PGLYRP3: variants seen among roughly 807,000 people sequenced by gnomAD.
PGLYRP3 encodes peptidoglycan recognition protein 3, also known as peptidoglycan recognition protein I alpha.
In PGLYRP3, 39 loss-of-function variants were observed where a neutral mutation model predicts 36.0. The observed-to-expected ratio is 1.08, with a 90% confidence interval of 0.84 to 1.41. The LOEUF is 1.41. Among genes scored for constraint, PGLYRP3 ranks in the 40% most tolerant of loss-of-function variants. The probability of loss-of-function intolerance (pLI) is 0.00; values close to 1 mark genes in which losing one functional copy is unlikely to be tolerated. For missense variants in PGLYRP3, 407 were observed against 427.9 expected (o/e 0.95, Z 0.43); for synonymous variants, 204 against 172.8 (o/e 1.18, Z -1.42).
At chr1:153,300,846 G>A (rs746347759) in intron 6 of PGLYRP3, among the ~76,000 whole-genome samples, 1 of 152,164 alleles carries the variant, frequency 6.6e-6, no homozygotes, top group Admixed American at 6.5e-5. Flanking sequence ...GGTTCCTGTA[G>A]CATGCATATC....
At chr1:153,304,615 A>G (rs1161629628) in intron 4 of PGLYRP3, among the ~76,000 whole-genome samples, 2 of 141,940 alleles carry the variant, frequency 1.4e-5, no homozygotes. Flanking sequence ...TGGAACTGGA[A>G]TAAGAGATGA....
At position 153,304,984 on chromosome 1, in the gene PGLYRP3, G is replaced by T; in HGVS notation, c.339C>A (p.Asn113Lys). 6.2e-7 allele frequency: 1 copy of T among 1,613,878 alleles called. No homozygotes were observed. The highest frequency in any genetic ancestry group is 1.1e-5 in the South Asian group (1 of 91,034). ...IQGLHTQGYN[N>K]ISLGIAFFGN... is the part of the protein sequence containing the mutation. Reference sequence around the variant, plus strand: ...CAAAGAAGGCGATGCCCAGGGAAATGTTGTTGTAGCCCTGGGTGTGCAAGC... The same window carrying T: ...CAAAGAAGGCGATGCCCAGGGAAATTTTGTTGTAGCCCTGGGTGTGCAAGC... Residue 113 changes from asparagine to lysine, a missense_variant, in exon 4 of 8, where the codon AAC (asparagine) becomes AAA (lysine). Transcript: ENST00000683862.
chr1:153,298,853 A>T (rs1659513269), intron 7 of PGLYRP3, among the ~76,000 whole-genome samples: 1 of 152,178 alleles, frequency 6.6e-6, no homozygotes, highest in African/African-American at 2.4e-5. Context: ...AGTTTGCAAA[A>T]GACGTTTCCC....
In PGLYRP3 at chr1:153,298,789, C is replaced by A. The variant is rs1042368164; in HGVS notation, c.847+324G>T. ...GGCAGTGGTGCTCCCCAAATTGTTG[C>A]CATGGCTAACAAGAAAGGGGACACA... On this transcript the variant is annotated intron_variant, in intron 7 of 7. Transcript: ENST00000683862. 5.3e-5 allele frequency among the ~76,000 whole-genome samples: 8 copies of A among 152,236 alleles called. No individual in the cohort carries two copies. The East Asian group carries it at 1.4e-3, about 26-fold the overall frequency.
intron 2 of PGLYRP3, among the ~76,000 whole-genome samples, chr1:153,310,043 A>G (rs1437892953): frequency 2.6e-5 from 4 of 152,236 alleles, no homozygotes; most frequent in African/African-American, 9.6e-5. Flanking sequence ...AAAACATGTC[A>G]TATTTAAGAA....
chr1:153,297,828 C>G lies in PGLYRP3; in HGVS notation c.*128G>C, dbSNP rs148990111. 9.1e-4 allele frequency: 978 copies of G among 1,071,288 alleles called. 7 individuals are homozygous for G. The African/African-American group carries it at 0.014, about 16-fold the overall frequency. 66.4% of individuals were successfully genotyped at this position (1,071,288 alleles called of 1,614,324 possible). A position where few individuals can be genotyped will look rare whatever the true frequency, so the allele number is the denominator to read the frequency against. ...GGATGTTGGCAGGAAAGGACATGAC[C>G]ATTCAAACCTGAGAAAGGATGGGCT... On this transcript the variant is annotated 3_prime_UTR_variant, in exon 8 of 8. Transcript: ENST00000683862.
Position 153,310,700 on chromosome 1 carries a change from G to C in PGLYRP3, c.-35C>G. On this transcript the variant is annotated 5_prime_UTR_variant, in exon 2 of 8. Transcript: ENST00000683862. ...GGACTCTGACCGGGAGAGTGTGGAC[G>C]GCAGCCCTGGAAGAGAGGCTAACAG... The C allele has an allele frequency of 6.3e-7, 1 of 1,598,500 alleles. No individual in the cohort carries two copies. The highest frequency in any genetic ancestry group is 8.6e-7 in the Non-Finnish European group (1 of 1,166,568).
At chr1:153,306,559 G>A (rs139479871) in intron 3 of PGLYRP3, among the ~76,000 whole-genome samples, 13 of 152,340 alleles carry the variant, frequency 8.5e-5, no homozygotes, top group Admixed American at 3.9e-4. Flanking sequence ...TCCCAGGTGC[G>A]AGTCCCTGTG....
At position 153,297,602 on chromosome 1, in the gene PGLYRP3, A is replaced by AAG. The variant is rs1553193772; in HGVS notation, c.*352_*353dup. Among the ~76,000 whole-genome samples, 44 of 145,156 alleles carry AAG rather than the reference A, an allele frequency of 3.0e-4. No individual in the cohort carries two copies. Among genetic ancestry groups the AAG allele is most frequent in the African/African-American group, 1.1e-3 (42 of 38,752 alleles). On this transcript the variant is annotated 3_prime_UTR_variant, in exon 8 of 8. Coordinates refer to ENST00000683862, the MANE Select transcript of PGLYRP3 (RefSeq NM_052891.3). ...GAAAGAAGAAAGAAAGAAAGAAAGAAAGAGAAAGGAAGCAAAGAAAGAAAG... is the reference window on the plus strand; with the variant it reads ...GAAAGAAGAAAGAAAGAAAGAAAGAAAGAGAGAAAGGAAGCAAAGAAAGAAAG...
chr1:153,299,563 C>T (rs1295915645), intron 6 of PGLYRP3, among the ~76,000 whole-genome samples: 5 of 152,078 alleles, frequency 3.3e-5, no homozygotes, highest in Non-Finnish European at 7.4e-5. Context: ...TTCCCTTCCC[C>T]GGGCTTCCAC....
intron 6 of PGLYRP3, among the ~76,000 whole-genome samples, 169 bp from the exon 7 acceptor site, chr1:153,299,400 A>T (rs1659530971): frequency 6.6e-6 from 1 of 152,136 alleles, no homozygotes; most frequent in African/African-American, 2.4e-5. Context: ...AAAACAAAAA[A>T]ATACCACAGT....
At position 153,299,178 on chromosome 1, in the gene PGLYRP3, T is replaced by C. The variant is rs1275113699; in HGVS notation, c.782A>G (p.Gln261Arg). The C allele has an allele frequency of 6.2e-7, 1 of 1,614,102 alleles. No homozygotes were observed. Among genetic ancestry groups the C allele is most frequent in the East Asian group, 2.2e-5 (1 of 44,882 alleles). ...GTTGAATCCATAAGTGTGAGAGCCT[T>C]GGATGTGCCATCCAACCCCTTCATA... ...GVYEGVGWHI[Q>R]GSHTYGFNDI... Residue 261 changes from glutamine to arginine, a missense_variant, in exon 7 of 8, where the codon CAA (glutamine) becomes CGA (arginine). Coordinates refer to ENST00000683862, the MANE Select transcript of PGLYRP3 (RefSeq NM_052891.3).
chr1:153,307,109 A>T lies in PGLYRP3; in HGVS notation c.214T>A (p.Ser72Thr), dbSNP rs577104401. 16 of 1,613,610 alleles carry T rather than the reference A, an allele frequency of 9.9e-6. No individual in the cohort carries two copies. Among genetic ancestry groups the T allele is most frequent in the Non-Finnish European group, 1.4e-5 (16 of 1,179,840 alleles). ...CAGCCTATGGTGTAGACGGAATGGG[A>T]CTGCAACCCCCGCAGCATCTGGCTG... The part of the protein sequence containing the change: ...VCSQMLRGLQ[S>T]HSVYTIGWCD... The change falls in exon 3 of 8, where the codon TCC becomes ACC. Residue 72 changes from serine (S) to threonine (T), a missense_variant. Ser to Thr is a moderately conservative substitution (Grantham distance 58, BLOSUM62 1). Coordinates refer to ENST00000683862, the MANE Select transcript of PGLYRP3 (RefSeq NM_052891.3).
In PGLYRP3 at chr1:153,302,623, A is replaced by T; in HGVS notation, c.530-16T>A. ...TTGGGGCAAACTGTGGTAAAATGAA[A>T]AGCCAAGGAAGTAGGAATTTTTTTT... is the stretch of plus-strand genomic sequence containing the variant. On this transcript the variant is annotated splice_polypyrimidine_tract_variant and intron_variant, in intron 5 of 7. Transcript: ENST00000683862. 1 of 1,613,314 alleles carries T rather than the reference A, an allele frequency of 6.2e-7. No homozygotes were observed. The highest frequency in any genetic ancestry group is 2.2e-5 in the East Asian group (1 of 44,872).
rs556505781 is a variant in PGLYRP3 at position 153,297,834 on chromosome 1, A to G, written c.*122T>C. 8.1e-5 allele frequency: 95 copies of G among 1,172,314 alleles called. No homozygotes were observed. Among genetic ancestry groups the G allele is most frequent in the Non-Finnish European group, 1.1e-4 (90 of 822,532 alleles). 72.6% of individuals were successfully genotyped at this position (1,172,314 alleles called of 1,614,324 possible). ...TGGCAGGAAAGGACATGACCATTCA[A>G]ACCTGAGAAAGGATGGGCTGGCAGG... On this transcript the variant is annotated 3_prime_UTR_variant, in exon 8 of 8. Transcript: ENST00000683862.
chr1:153,297,158 G>A lies in PGLYRP3; in HGVS notation c.*798C>T, dbSNP rs893696459. Among the ~76,000 whole-genome samples, 2 of 152,154 alleles carry A rather than the reference G, an allele frequency of 1.3e-5. No homozygotes were observed. Among genetic ancestry groups the A allele is most frequent in the African/African-American group, 2.4e-5 (1 of 41,426 alleles). Reference sequence around the variant, plus strand: ...TCATCCATTTCTTTAACAAACATCTGTAGAACCTATTAAACTCCAAACACT... The same window carrying A: ...TCATCCATTTCTTTAACAAACATCTATAGAACCTATTAAACTCCAAACACT... On this transcript the variant is annotated 3_prime_UTR_variant, in exon 8 of 8. Coordinates refer to ENST00000683862, the MANE Select transcript of PGLYRP3 (RefSeq NM_052891.3).
In PGLYRP3 at chr1:153,297,995, C is replaced by A; in HGVS notation, c.987G>T (p.Leu329Phe). 1 of 1,613,806 alleles carries A rather than the reference C, an allele frequency of 6.2e-7. No homozygotes were observed. The highest frequency in any genetic ancestry group is 8.5e-7 in the Non-Finnish European group (1 of 1,179,952). The change falls in exon 8 of 8, where the codon TTG becomes TTT. Residue 329 changes from leucine (L) to phenylalanine (F), a missense_variant. Leu to Phe is a conservative substitution (Grantham distance 22). Coordinates refer to ENST00000683862, the MANE Select transcript of PGLYRP3 (RefSeq NM_052891.3). ...GAGGCCAGGTGCTGATGATGTTATA[C>A]AAAGCCTGCCCAGGGGACAGGATGT... ...VVNILSPGQA[L>F]YNIISTWPHF...
At position 153,297,529 on chromosome 1, in the gene PGLYRP3, AGGAAGGAAGGAAGGAAGGAAGG is replaced by A. The variant is rs1571096248; in HGVS notation, c.*405_*426del. ...AAGGAAGGAAGGAAGGAAGGAAGGAAGGAAGGAAGGAAGGAAGGAAGGAAAGAAAGAAAAAGAAAGAAAGAAA... is the reference window on the plus strand; with the variant it reads ...AAGGAAGGAAGGAAGGAAGGAAGGAAAAAGAAAGAAAAAGAAAGAAAGAAA... On this transcript the variant is annotated 3_prime_UTR_variant, in exon 8 of 8. Transcript: ENST00000683862. 1.1e-5 allele frequency among the ~76,000 whole-genome samples: 1 copy of A among 88,772 alleles called. No individual in the cohort carries two copies. The highest frequency in any genetic ancestry group is 2.4e-4 in the East Asian group (1 of 4,138). The allele number at this position is 88,772 out of a possible 152,430, so 58.2% of individuals were successfully genotyped here.
intron 4 of PGLYRP3, 83 bp from the exon 5 acceptor site, chr1:153,304,092 C>A (rs1223934669): frequency 1.5e-6 from 2 of 1,322,888 alleles, no homozygotes; most frequent in Non-Finnish European, 2.1e-6. Flanking sequence ...ATGATATGAC[C>A]ACTTGAGCCT....
Sources: allele counts gnomAD v4.1 joint callset (sites outside exome capture counted in the v4.1 genomes callset), GRCh38; gene constraint gnomAD v4.1.1; transcripts MANE v1.5; gene names NCBI Gene and HGNC (gene_info 2026-07-23, HGNC 2026-07-21).